The following L3MBTL4 variants were observed in gnomAD, a reference collection of about 807,000 sequenced individuals.
L3MBTL4 encodes the protein lethal(3)malignant brain tumor-like protein 4.
A neutral mutation model predicts 84.5 loss-of-function variants in L3MBTL4; 70 were observed. The ratio of observed to expected loss-of-function variants is 0.83; its 90% CI spans 0.68 to 1.01. The LOEUF is 1.01. Among genes scored for constraint, L3MBTL4 ranks in the 50% least tolerant of loss-of-function variants. The pLI, the probability that L3MBTL4 is intolerant of heterozygous loss-of-function variation, is 0.00. For missense variants in L3MBTL4, 715 were observed against 754.8 expected (o/e 0.95, Z 0.62); for synonymous variants, 274 against 259.8 (o/e 1.05, Z -0.52).
chr18:6,210,313 C>T (rs888369104), intron 12 of L3MBTL4, among the ~76,000 whole-genome samples: 3 of 152,072 alleles, frequency 2.0e-5, no homozygotes, highest in Non-Finnish European at 2.9e-5. Flanking sequence ...TGGGCACAAG[C>T]GACAAAGTGA....
At chr18:6,243,522 T>A in intron 6 of L3MBTL4, 93 bp from the exon 7 acceptor site, 2 of 1,064,266 alleles carry the variant, frequency 1.9e-6, no homozygotes, top group Non-Finnish European at 2.6e-6. Context: ...TTGTCAGTAC[T>A]ATCAACATAT....
chr18:6,065,253 A>T (rs112387871), intron 16 of L3MBTL4, among the ~76,000 whole-genome samples: 3 of 150,758 alleles, frequency 2.0e-5, no homozygotes, highest in Non-Finnish European at 2.9e-5. Context: ...GGATTTGGTC[A>T]GTTAGTATTT....
At chr18:6,393,664 A>G (rs1007987227) in intron 1 of L3MBTL4, among the ~76,000 whole-genome samples, 3 of 152,174 alleles carry the variant, frequency 2.0e-5, no homozygotes, top group African/African-American at 7.2e-5. Context: ...AGGGAATCCC[A>G]GTGGCTCTCC....
intron 1 of L3MBTL4, among the ~76,000 whole-genome samples, chr18:6,323,941 G>C (rs1039039542): frequency 2.7e-5 from 4 of 149,320 alleles, no homozygotes; most frequent in African/African-American, 9.8e-5. Context: ...AGGCCTGGAG[G>C]CCAAGGAGGG....
chr18:5,964,273 G>A (rs1444456326), intron 17 of L3MBTL4, among the ~76,000 whole-genome samples: 6 of 152,214 alleles, frequency 3.9e-5, no homozygotes, highest in Non-Finnish European at 1.5e-5. Context: ...TCTGAGAGGA[G>A]CCCATCCTGC....
intron 1 of L3MBTL4, among the ~76,000 whole-genome samples, chr18:6,324,384 T>C (rs889232237): frequency 1.1e-4 from 17 of 152,170 alleles, no homozygotes; most frequent in African/African-American, 4.1e-4. Context: ...AACCTACAGC[T>C]TGCACGATGC....
intron 16 of L3MBTL4, among the ~76,000 whole-genome samples, chr18:6,065,776 T>A (rs939296301): frequency 5.3e-5 from 8 of 152,056 alleles, no homozygotes; most frequent in African/African-American, 1.9e-4. Flanking sequence ...TAATGGTCTA[T>A]CAAATTTGTT....
rs560091223 is a variant in L3MBTL4, at chr18:5,957,832, A to G, written c.1678-1445T>C. Among the ~76,000 whole-genome samples, 73 of 151,554 alleles carry G rather than the reference A, an allele frequency of 4.8e-4. 1 individual carries two copies. In the South Asian group the frequency reaches 0.015, roughly 31 times the overall value. ...GAAAATACAAAAATTAGCCAGGCGT[A>G]GTGGCATGCGCCTGTAGTCCCAGCT... is the stretch of plus-strand genomic sequence containing the variant. On this transcript the variant is annotated intron_variant, in intron 18 of 18. Coordinates refer to ENST00000317931, the MANE Select transcript of L3MBTL4 (RefSeq NM_001330559.2).
intron 1 of L3MBTL4, among the ~76,000 whole-genome samples, chr18:6,388,986 A>C (rs57913750): frequency 6.6e-6 from 1 of 152,186 alleles, no homozygotes; most frequent in African/African-American, 2.4e-5. Flanking sequence ...AACTAGGGAC[A>C]AGGAAAGTCA....
intron 5 of L3MBTL4, among the ~76,000 whole-genome samples, chr18:6,247,317 C>T (rs1239880648): frequency 2.0e-4 from 31 of 151,992 alleles, no homozygotes; most frequent in Admixed American, 6.6e-5. Flanking sequence ...CCCCATACAC[C>T]GCCTGCAAAG....
intron 16 of L3MBTL4, among the ~76,000 whole-genome samples, chr18:5,972,199 G>C (rs1005270663): frequency 2.1e-4 from 32 of 152,182 alleles, no homozygotes; most frequent in African/African-American, 7.0e-4. Flanking sequence ...TCTGGGAAAT[G>C]CTTGCCAGAA....
intron 1 of L3MBTL4, among the ~76,000 whole-genome samples, chr18:6,367,843 G>C (rs2054000179): frequency 6.6e-6 from 1 of 152,150 alleles, no homozygotes; most frequent in African/African-American, 2.4e-5. Context: ...ACAAGATACG[G>C]ATTCGGCATT....
At chr18:6,105,183 A>G (rs1434254924) in intron 14 of L3MBTL4, among the ~76,000 whole-genome samples, 1 of 100,424 alleles carries the variant, frequency 1.0e-5, no homozygotes, top group East Asian at 2.7e-4. Flanking sequence ...AACACCACCA[A>G]TTTTTTTTTT....
intron 16 of L3MBTL4, among the ~76,000 whole-genome samples, chr18:6,005,992 GT>G (rs1442741734): frequency 2.8e-5 from 4 of 144,960 alleles, no homozygotes; most frequent in African/African-American, 1.0e-4. Flanking sequence ...ATTTTATATT[GT>G]GTATATTTTA....
intron 14 of L3MBTL4, among the ~76,000 whole-genome samples, chr18:6,124,460 T>C (rs1475244032): frequency 6.7e-6 from 1 of 148,644 alleles, no homozygotes; most frequent in African/African-American, 2.4e-5. Flanking sequence ...ATAAAAATTA[T>C]ATATACAATT....
At chr18:6,025,721 A>G (rs1341535452) in intron 16 of L3MBTL4, among the ~76,000 whole-genome samples, 3 of 152,184 alleles carry the variant, frequency 2.0e-5, no homozygotes, top group Admixed American at 6.5e-5. Flanking sequence ...GCAGGTCATT[A>G]GGCATTAGAG....
intron 1 of L3MBTL4, among the ~76,000 whole-genome samples, chr18:6,405,436 T>C (rs2055688351): frequency 6.6e-6 from 1 of 152,246 alleles, no homozygotes; most frequent in Non-Finnish European, 1.5e-5. Flanking sequence ...GTACCATCTG[T>C]GGTGCAGAAC....
chr18:6,387,883 A>T (rs561119299), intron 1 of L3MBTL4, among the ~76,000 whole-genome samples: 1 of 152,304 alleles, frequency 6.6e-6, no homozygotes, highest in East Asian at 1.9e-4. Context: ...ATAAATAAAG[A>T]TAGTTTTCAC....
At position 5,994,734 on chromosome 18, in the gene L3MBTL4, G is replaced by A. The variant is rs2053870613; in HGVS notation, c.1445-25172C>T. Among the ~76,000 whole-genome samples, 3 of 152,144 alleles carry A rather than the reference G, an allele frequency of 2.0e-5. No homozygotes were observed. The South Asian group carries it at 6.2e-4, about 32-fold the overall frequency. On this transcript the variant is annotated intron_variant, in intron 16 of 18. Transcript: ENST00000317931. Reference sequence around the variant, plus strand: ...TCCAGGAGGTAAGCGACTCCACCAAGCAGGGGCCCCAATACTTGCTGGGTT... The same window carrying A: ...TCCAGGAGGTAAGCGACTCCACCAAACAGGGGCCCCAATACTTGCTGGGTT...
Sources: gnomAD v4.1 joint callset for allele counts (sites outside exome capture counted in the v4.1 genomes callset) on GRCh38, gnomAD v4.1.1 for gene constraint, MANE v1.5 for transcripts, NCBI Gene and HGNC (gene_info 2026-07-23, HGNC 2026-07-21) for gene names.